The following CNTNAP2 variants were observed in gnomAD, a reference collection of about 807,000 sequenced individuals.
CNTNAP2 encodes the protein contactin-associated protein-like 2.
A neutral mutation model predicts 155.2 loss-of-function variants in CNTNAP2; 98 were observed. The ratio of observed to expected loss-of-function variants is 0.63; its 90% confidence interval spans 0.54 to 0.75. The LOEUF (loss-of-function observed/expected upper bound fraction) is 0.75, where lower values mean the gene tolerates loss of function less well. CNTNAP2 is among the 30% of genes least tolerant of loss of function. The probability of loss-of-function intolerance (pLI) is 0.00; values close to 1 mark genes in which losing one functional copy is unlikely to be tolerated. For synonymous variants in CNTNAP2, 651 were observed against 631.2 expected (o/e 1.03, Z -0.47); for missense variants, 1,727 against 1,688.1 (o/e 1.02, Z -0.40).
chr7:147,575,517 G>C (rs1201400124), intron 12 of CNTNAP2, among the ~76,000 whole-genome samples: 2 of 143,046 alleles, frequency 1.4e-5, no homozygotes, highest in Non-Finnish European at 3.0e-5. Context: ...ACAACTGTGT[G>C]TGTGTGTGTG....
At chr7:148,413,417 T>A (rs182710082) in intron 23 of CNTNAP2, among the ~76,000 whole-genome samples, 27,027 of 48,538 alleles carry the variant, frequency 0.56, 9,244 homozygotes, top group Middle Eastern at 0.74. Flanking sequence ...TATATATATA[T>A]ATATATATAT....
intron 12 of CNTNAP2, among the ~76,000 whole-genome samples, chr7:147,611,738 G>GC (rs1413911452): frequency 6.6e-6 from 1 of 152,130 alleles, no homozygotes; most frequent in East Asian, 1.9e-4. Flanking sequence ...AGTTCCATCT[G>GC]CTTTACATAC....
At chr7:147,882,845 A>C (rs1274319191) in intron 13 of CNTNAP2, among the ~76,000 whole-genome samples, 3 of 152,216 alleles carry the variant, frequency 2.0e-5, no homozygotes, top group Non-Finnish European at 4.4e-5. Flanking sequence ...AAATCCTTAT[A>C]TGTGAATTTT....
chr7:148,041,007 G>A (rs1156359044), intron 15 of CNTNAP2, among the ~76,000 whole-genome samples: 2 of 152,176 alleles, frequency 1.3e-5, no homozygotes, highest in African/African-American at 4.8e-5. Flanking sequence ...TCTGTTCATA[G>A]TTTATAGATG....
intron 7 of CNTNAP2, 105 bp downstream of exon 7, chr7:147,128,941 T>A: frequency 6.8e-7 from 1 of 1,478,998 alleles, no homozygotes; most frequent in Non-Finnish European, 9.4e-7. Context: ...TTCATCATAT[T>A]TGTGTTTGGG....
At chr7:146,495,081 A>G (rs1412085224) in intron 1 of CNTNAP2, among the ~76,000 whole-genome samples, 2 of 152,212 alleles carry the variant, frequency 1.3e-5, no homozygotes, top group Non-Finnish European at 2.9e-5. Context: ...GCAATGTAGA[A>G]ATAGAGCATT....
intron 13 of CNTNAP2, among the ~76,000 whole-genome samples, chr7:147,679,614 T>A (rs1043332585): frequency 4.6e-5 from 7 of 151,920 alleles, no homozygotes; most frequent in African/African-American, 1.7e-4. Flanking sequence ...GCTCCTGATT[T>A]TTGGTCTGAG....
chr7:146,462,441 C>T lies in CNTNAP2; in HGVS notation c.98-311830C>T, dbSNP rs1796650708. The stretch of plus-strand genomic sequence containing the variant: ...ACATTCTCCCCCTTCTAACTTCACA[C>T]ATAAAGGGAAGTTGATTATTATCCA... On this transcript the variant is annotated intron_variant, in intron 1 of 23. Transcript: ENST00000361727. Among the ~76,000 whole-genome samples, 3 of 152,146 alleles carry T rather than the reference C, an allele frequency of 2.0e-5. No individual in the cohort carries two copies. In the South Asian group the frequency reaches 6.2e-4, roughly 31 times the overall value.
intron 1 of CNTNAP2, among the ~76,000 whole-genome samples, chr7:146,235,832 T>A (rs1273935182): frequency 6.6e-6 from 1 of 152,102 alleles, no homozygotes; most frequent in Admixed American, 6.6e-5. Flanking sequence ...CCGTCTGCCT[T>A]TTTGCCTTCT....
intron 4 of CNTNAP2, among the ~76,000 whole-genome samples, chr7:147,066,549 T>G (rs1446022586): frequency 6.6e-6 from 1 of 152,200 alleles, no homozygotes; most frequent in Non-Finnish European, 1.5e-5. Context: ...TACAGGAGAT[T>G]TTAAGTTTCC....
intron 2 of CNTNAP2, among the ~76,000 whole-genome samples, chr7:146,836,157 T>C (rs1195965321): frequency 1.3e-5 from 2 of 152,190 alleles, no homozygotes; most frequent in Non-Finnish European, 2.9e-5. Context: ...ATATAACCTA[T>C]GCAAACACAT....
At chr7:146,638,610 G>A (rs1320485457) in intron 1 of CNTNAP2, among the ~76,000 whole-genome samples, 5 of 147,380 alleles carry the variant, frequency 3.4e-5, no homozygotes, top group African/African-American at 5.0e-5. Context: ...TCAGCCTCCC[G>A]AGTAGCTGGG....
chr7:148,068,155 G>T (rs1239749916), intron 15 of CNTNAP2, among the ~76,000 whole-genome samples: 2 of 152,080 alleles, frequency 1.3e-5, no homozygotes, highest in Non-Finnish European at 2.9e-5. Context: ...TACACTTTCT[G>T]TTCACCCCCT....
chr7:147,001,776 A>C (rs1040664816), intron 3 of CNTNAP2, among the ~76,000 whole-genome samples: 4 of 152,054 alleles, frequency 2.6e-5, no homozygotes, highest in Admixed American at 6.6e-5. Flanking sequence ...TTTGAAAAAA[A>C]AGAAAAGATG....
chr7:148,367,372 CTGT>C (rs1798804163), intron 21 of CNTNAP2, among the ~76,000 whole-genome samples: 1 of 152,020 alleles, frequency 6.6e-6, no homozygotes, highest in Non-Finnish European at 1.5e-5. Context: ...AAAAAATGAA[CTGT>C]TAAGTCAAAG....
intron 10 of CNTNAP2, among the ~76,000 whole-genome samples, chr7:147,461,248 AG>A (rs1798018587): frequency 6.6e-6 from 1 of 152,256 alleles, no homozygotes; most frequent in African/African-American, 2.4e-5. Context: ...TTCAGTAATT[AG>A]GTTTGGAAAT....
intron 1 of CNTNAP2, among the ~76,000 whole-genome samples, chr7:146,716,609 T>G (rs1162848363): frequency 6.6e-6 from 1 of 152,146 alleles, no homozygotes; most frequent in Non-Finnish European, 1.5e-5. Context: ...AGGTTAACAT[T>G]TTAGGAGTCT....
At chr7:148,125,685 GTGTGTATATA>G (rs1199420198) in intron 16 of CNTNAP2, among the ~76,000 whole-genome samples, 5 of 142,290 alleles carry the variant, frequency 3.5e-5, no homozygotes, top group African/African-American at 8.0e-5. Context: ...GTGTGTGTGT[GTGTGTATATA>G]TATATAGTTT....
chr7:146,543,314 A>G (rs2129141377), intron 1 of CNTNAP2, among the ~76,000 whole-genome samples: 1 of 152,070 alleles, frequency 6.6e-6, no homozygotes, highest in East Asian at 1.9e-4. Context: ...GATGAATTAC[A>G]TATATAAAAT....
Sources: allele counts gnomAD v4.1 joint callset (sites outside exome capture counted in the v4.1 genomes callset), GRCh38; gene constraint gnomAD v4.1.1; transcripts MANE v1.5; gene names NCBI Gene and HGNC (gene_info 2026-07-23, HGNC 2026-07-21).